ZNF365: variants seen among roughly 807,000 people sequenced by gnomAD.
ZNF365 encodes the protein protein ZNF365.
In ZNF365, 22 loss-of-function variants were observed where a neutral mutation model predicts 35.0. The ratio of observed to expected loss-of-function variants is 0.63; its 90% CI spans 0.45 to 0.90. ZNF365 has a LOEUF of 0.90. Among genes scored for constraint, ZNF365 ranks in the 40% least tolerant of loss-of-function variants. ZNF365 has a pLI of 0.00. For synonymous variants in ZNF365, 188 were observed against 196.2 expected, an observed-to-expected ratio of 0.96 and a Z score of 0.35; for missense variants, 448 against 500.3, an observed-to-expected ratio of 0.90 and a Z score of 1.00.
chr10:62,466,724 T>C (rs1015693512), intron 4 of ZNF365, among the ~76,000 whole-genome samples: 3 of 152,060 alleles, frequency 2.0e-5, no homozygotes, highest in Admixed American at 6.5e-5. Context: ...ATCACCAACA[T>C]TTGCTAAAAC....
chr10:62,476,380 A>G (rs1841131759), intron 4 of ZNF365, among the ~76,000 whole-genome samples: 1 of 152,210 alleles, frequency 6.6e-6, no homozygotes, highest in Non-Finnish European at 1.5e-5. Flanking sequence ...AGGTATTAAA[A>G]AAAAGTTTTA....
At chr10:62,452,877 G>T (rs1589461940) in intron 3 of ZNF365, among the ~76,000 whole-genome samples, 1 of 152,238 alleles carries the variant, frequency 6.6e-6, no homozygotes, top group Non-Finnish European at 1.5e-5. Flanking sequence ...CAGGCCCAAG[G>T]TCCCTTGAAT....
chr10:62,471,007 T>A (rs976328748), intron 4 of ZNF365, among the ~76,000 whole-genome samples: 1 of 151,978 alleles, frequency 6.6e-6, no homozygotes, highest in African/African-American at 2.4e-5. Context: ...TTTTTTACTT[T>A]AAAAATGTTT....
chr10:62,391,711 T>C (rs1839633537), intron 3 of ZNF365, among the ~76,000 whole-genome samples: 1 of 152,268 alleles, frequency 6.6e-6, no homozygotes, highest in South Asian at 2.1e-4. Flanking sequence ...GCTGTAAATG[T>C]GTATGCAATT....
intron 4 of ZNF365, among the ~76,000 whole-genome samples, chr10:62,461,502 C>G (rs372628870): frequency 6.6e-6 from 1 of 152,288 alleles, no homozygotes; most frequent in East Asian, 1.9e-4. Flanking sequence ...GGACGCCCTG[C>G]CTGGGCTTTC....
chr10:62,450,670 CA>C (rs1840666869), intron 3 of ZNF365, among the ~76,000 whole-genome samples: 1 of 152,104 alleles, frequency 6.6e-6, no homozygotes, highest in Non-Finnish European at 1.5e-5. Flanking sequence ...CCAAGACAGA[CA>C]AAAACACCCA....
intron 3 of ZNF365, among the ~76,000 whole-genome samples, chr10:62,423,587 T>A (rs926064274): frequency 5.9e-5 from 9 of 152,202 alleles, no homozygotes; most frequent in African/African-American, 2.2e-4. Context: ...TCATCTTGGC[T>A]ATTCTAAATG....
chr10:62,382,155 C>A (rs3824731), intron 2 of ZNF365, among the ~76,000 whole-genome samples: 85,488 of 152,016 alleles, frequency 0.56, 25,562 homozygotes, highest in East Asian at 0.78. Context: ...CTTTAAAAGG[C>A]AAATCTGATT....
chr10:62,418,360 T>C lies in ZNF365; in HGVS notation c.924+29784T>C, dbSNP rs1840112952. Among the ~76,000 whole-genome samples, 3 of 152,112 alleles carry C rather than the reference T, an allele frequency of 2.0e-5. No individual in the cohort carries two copies. In the South Asian group the frequency reaches 6.2e-4, roughly 32 times the overall value. On this transcript the variant is annotated intron_variant, in intron 3 of 4. Coordinates refer to the ZNF365 transcript ENST00000395255. ...ATGGATAAAAACAGGTTTGGAGTTT[T>C]TAAACAAAGTTTATAGGAGGCCATT...
chr10:62,477,695 C>T (rs1841155958), intron 4 of ZNF365, among the ~76,000 whole-genome samples: 1 of 152,118 alleles, frequency 6.6e-6, no homozygotes, highest in Admixed American at 6.5e-5. Flanking sequence ...CAGCTGAAGC[C>T]CAGATGTATG....
intron 2 of ZNF365, among the ~76,000 whole-genome samples, chr10:62,387,687 G>C (rs1181489401): frequency 6.6e-6 from 1 of 152,094 alleles, no homozygotes; most frequent in African/African-American, 2.4e-5. Flanking sequence ...TGACCTCGTG[G>C]TAGCTGTATG....
chr10:62,468,905 C>T (rs1175075871), intron 4 of ZNF365, among the ~76,000 whole-genome samples: 1 of 152,178 alleles, frequency 6.6e-6, no homozygotes, highest in Non-Finnish European at 1.5e-5. Flanking sequence ...AAGGGCACAC[C>T]TTTCAATGGG....
intron 3 of ZNF365, among the ~76,000 whole-genome samples, chr10:62,444,891 T>C (rs1319826390): frequency 1.3e-5 from 2 of 152,070 alleles, no homozygotes; most frequent in East Asian, 1.9e-4. Flanking sequence ...CGTCAGTTAG[T>C]ATTAGGTATA....
chr10:62,472,234 G>A lies in ZNF365; in HGVS notation c.982-7642G>A, dbSNP rs145106709. 3.1e-3 allele frequency among the ~76,000 whole-genome samples: 470 copies of A among 152,306 alleles called. 8 individuals are homozygous for A. Among genetic ancestry groups the A allele is most frequent in the African/African-American group, 0.011 (444 of 41,558 alleles). The stretch of plus-strand genomic sequence containing the variant: ...TTATCACAAATGCCTGAGAAAATTT[G>A]TTGTTCTAAGAAAAGAAGCCTCACA... On this transcript the variant is annotated intron_variant, in intron 4 of 4. Coordinates refer to the ZNF365 transcript ENST00000395255.
At chr10:62,480,025 A>G (rs889969768) in exon 5 of ZNF365, 2 of 1,465,522 alleles carry the variant, frequency 1.4e-6, no homozygotes, top group Non-Finnish European at 9.1e-7. Context: ...GGAACTTTAC[A>G]AGAAACTTGG....
chr10:62,374,845 A>G (rs1447602989), intron 1 of ZNF365, among the ~76,000 whole-genome samples: 1 of 152,182 alleles, frequency 6.6e-6, no homozygotes, highest in East Asian at 1.9e-4. Context: ...TTGCCCCCTT[A>G]GAATCCTGAC....
Position 62,376,313 on chromosome 10 carries a change from G to A in ZNF365, c.120G>A (p.Leu40=), listed in dbSNP as rs79142251. ...RCGDHTRFRS[L]SSLRAHLEFS... ...GAGACCATACCAGATTTAGAAGCTT[G>A]TCATCCTTGAGGGCCCATCTGGAGT... Residue 40 remains leucine, a synonymous_variant, in exon 2 of 5, where the codon TTG becomes TTA. Coordinates refer to ENST00000395254, the MANE Select transcript of ZNF365 (RefSeq NM_014951.3). 6.2e-7 allele frequency: 1 copy of A among 1,614,014 alleles called. No homozygotes were observed. Among genetic ancestry groups the A allele is most frequent in the African/African-American group, 1.3e-5 (1 of 74,898 alleles).
chr10:62,423,232 G>T (rs1589447372), intron 3 of ZNF365, among the ~76,000 whole-genome samples: 1 of 151,456 alleles, frequency 6.6e-6, no homozygotes, highest in Non-Finnish European at 1.5e-5. Context: ...AAAACTCCAG[G>T]AGTTCTAAAG....
At chr10:62,431,322 A>G (rs1204808516) in intron 3 of ZNF365, among the ~76,000 whole-genome samples, 1 of 152,228 alleles carries the variant, frequency 6.6e-6, no homozygotes, top group Non-Finnish European at 1.5e-5. Context: ...CTATGCAGAA[A>G]CAAAGTTATG....
Sources: allele counts gnomAD v4.1 joint callset (sites outside exome capture counted in the v4.1 genomes callset), GRCh38; gene constraint gnomAD v4.1.1; transcripts MANE v1.5; gene names NCBI Gene and HGNC (gene_info 2026-07-23, HGNC 2026-07-21).